The following GPHN variants were observed in gnomAD, a reference collection of about 807,000 sequenced individuals.
GPHN encodes gephyrin.
GPHN carries 17 observed loss-of-function variants against 95.5 expected under a neutral mutation model. That is an observed-to-expected ratio of 0.18 (90% CI 0.12 to 0.27). The LOEUF (loss-of-function observed/expected upper bound fraction) is 0.27. GPHN is among the 10% of genes least tolerant of loss of function. GPHN has a pLI of 1.00. For missense variants in GPHN, 660 were observed against 978.1 expected, an observed-to-expected ratio of 0.67 and a Z score of 4.34; for synonymous variants, 320 against 322.5, an observed-to-expected ratio of 0.99 and a Z score of 0.08.
At chr14:66,824,435 A>C (rs577168054) in intron 3 of GPHN, 39 bp from the exon 4 acceptor site, 4 of 1,101,494 alleles carry the variant, frequency 3.6e-6, no homozygotes, top group South Asian at 1.3e-5. Flanking sequence ...CAAGCAGGCA[A>C]ATTTTTCTGC....
chr14:67,533,323 A>C, the GPHN span: 1 of 151,506 alleles, frequency 6.6e-6, no homozygotes, highest in South Asian at 2.1e-4. Context: ...AGAGCGACGC[A>C]AGGTCGGCTG....
chr14:66,800,079 A>G (rs2060291072), intron 3 of GPHN, among the ~76,000 whole-genome samples: 1 of 152,104 alleles, frequency 6.6e-6, no homozygotes, highest in African/African-American at 2.4e-5. Context: ...AGCAAGCCAC[A>G]AACTAATAAA....
the GPHN span, among the ~76,000 whole-genome samples, chr14:67,518,353 A>C: frequency 6.6e-6 from 1 of 152,242 alleles, no homozygotes; most frequent in Non-Finnish European, 1.5e-5. Flanking sequence ...TCTCATCTGC[A>C]AAATGGAAAT....
At chr14:67,089,136 T>TTTTTTTTTTTTTTTTTTTTTTG in intron 12 of GPHN, 61 bp downstream of exon 12, 1 of 319,136 alleles carries the variant, frequency 3.1e-6, no homozygotes. Context: ...TTTTTTTCTT[T>TTTTTTTTTTTTTTTTTTTTTTG]TTTTTTTTTT....
At chr14:66,765,466 G>C (rs1011686774) in intron 2 of GPHN, among the ~76,000 whole-genome samples, 1 of 152,080 alleles carries the variant, frequency 6.6e-6, no homozygotes, top group African/African-American at 2.4e-5. Context: ...GTCTTTTGCA[G>C]CAGCCTTTGG....
chr14:66,699,904 G>T (rs1183440403), intron 2 of GPHN, among the ~76,000 whole-genome samples: 6 of 152,056 alleles, frequency 3.9e-5, no homozygotes, highest in Admixed American at 3.9e-4. Flanking sequence ...CTATGCCGAA[G>T]GATGTTTAAA....
At chr14:67,548,808 C>G in the GPHN span, among the ~76,000 whole-genome samples, 1 of 152,230 alleles carries the variant, frequency 6.6e-6, no homozygotes, top group Non-Finnish European at 1.5e-5. Context: ...ACCATGTGTA[C>G]TTTCGCTCTG....
chr14:67,351,943 T>C, the GPHN span, among the ~76,000 whole-genome samples: 1 of 120,420 alleles, frequency 8.3e-6, no homozygotes, highest in Non-Finnish European at 1.6e-5. Flanking sequence ...ACCAAGAAAA[T>C]CAAATTGTCA....
At chr14:67,074,685 T>C (rs1020579895) in intron 11 of GPHN, among the ~76,000 whole-genome samples, 2 of 152,178 alleles carry the variant, frequency 1.3e-5, no homozygotes, top group Non-Finnish European at 2.9e-5. Context: ...AGGCCGCTGG[T>C]GCTACAGCCA....
chr14:67,525,502 T>A, the GPHN span, among the ~76,000 whole-genome samples: 1 of 152,216 alleles, frequency 6.6e-6, no homozygotes, highest in East Asian at 1.9e-4. Context: ...CTATAAATAT[T>A]AGGGGCACCC....
the GPHN span, among the ~76,000 whole-genome samples, chr14:67,713,241 AAAACAAACAAAC>A: frequency 6.6e-6 from 1 of 150,870 alleles, no homozygotes; most frequent in Non-Finnish European, 1.5e-5. Flanking sequence ...AGAAGCAGGA[AAAACAAACAAAC>A]AAACAAACAA....
At chr14:67,592,566 A>C in the GPHN span, 4 of 943,420 alleles carry the variant, frequency 4.2e-6, no homozygotes, top group Non-Finnish European at 6.9e-6. Context: ...ACTCTGACAA[A>C]AGGAATTTAC....
At chr14:67,277,197 T>A in the GPHN span, among the ~76,000 whole-genome samples, 1 of 152,228 alleles carries the variant, frequency 6.6e-6, no homozygotes, top group Non-Finnish European at 1.5e-5. Flanking sequence ...ATAGCTGTCA[T>A]GTTAATGAAA....
intron 1 of GPHN, among the ~76,000 whole-genome samples, chr14:66,656,817 C>T (rs1312513534): frequency 6.6e-6 from 1 of 152,112 alleles, no homozygotes; most frequent in Non-Finnish European, 1.5e-5. Flanking sequence ...TTCCCCATCT[C>T]TTTCTCTCTC....
intron 5 of GPHN, among the ~76,000 whole-genome samples, chr14:66,909,950 G>A (rs897722434): frequency 6.6e-6 from 1 of 151,820 alleles, no homozygotes; most frequent in Admixed American, 6.6e-5. Context: ...ATTTTTTAAA[G>A]GGACCAAATT....
intron 3 of GPHN, among the ~76,000 whole-genome samples, chr14:66,808,140 A>T (rs1176571421): frequency 1.3e-5 from 2 of 152,210 alleles, no homozygotes; most frequent in Non-Finnish European, 1.5e-5. Flanking sequence ...AGGTGTTATT[A>T]AACATCTTTT....
At chr14:67,465,165 C>T in the GPHN span, among the ~76,000 whole-genome samples, 2 of 152,232 alleles carry the variant, frequency 1.3e-5, no homozygotes, top group Admixed American at 1.3e-4. Context: ...CTTCCAGGCG[C>T]CAGGACTGGG....
Position 66,834,040 on chromosome 14 carries a change from T to G in GPHN, c.294+9474T>G, listed in dbSNP as rs143637232. On this transcript the variant is annotated intron_variant, in intron 4 of 22. Coordinates refer to ENST00000478722, the MANE Select transcript of GPHN (RefSeq NM_020806.5). ...TTCTTCTATCGAAGAGTTCATTGTT[T>G]AGACAACTCTACTTGTTTGAAAGTC... Among the ~76,000 whole-genome samples, 800 of 152,312 alleles carry G rather than the reference T, an allele frequency of 5.3e-3. 4 individuals carry two copies. The highest frequency in any genetic ancestry group is 9.1e-3 in the Non-Finnish European group (622 of 68,026).
At chr14:66,697,685 TTTTTCTTTTC>T (rs1341887273) in intron 2 of GPHN, among the ~76,000 whole-genome samples, 1 of 125,288 alleles carries the variant, frequency 8.0e-6, no homozygotes. Flanking sequence ...TCTTTTTTCT[TTTTTCTTTTC>T]TTTTTTTTTT....
Sources: gnomAD v4.1 joint callset for allele counts (sites outside exome capture counted in the v4.1 genomes callset) on GRCh38, gnomAD v4.1.1 for gene constraint, MANE v1.5 for transcripts, NCBI Gene and HGNC (gene_info 2026-07-23, HGNC 2026-07-21) for gene names.